The following SGK3 variants were observed in gnomAD, a reference collection of about 807,000 sequenced individuals.
SGK3 encodes the protein serine/threonine-protein kinase Sgk3.
In SGK3, 47 loss-of-function variants were observed where a neutral mutation model predicts 68.5. The ratio of observed to expected loss-of-function variants is 0.69; its 90% CI spans 0.54 to 0.87. The LOEUF is 0.87. SGK3 is among the 40% of genes least tolerant of loss of function. SGK3 has a pLI of 0.00. For synonymous variants in SGK3, 181 were observed against 189.1 expected (o/e 0.96, Z 0.35); for missense variants, 479 against 575.5 (o/e 0.83, Z 1.72).
intron 1 of SGK3, among the ~76,000 whole-genome samples, chr8:66,763,748 C>A (rs990642291): frequency 2.6e-5 from 4 of 151,912 alleles, no homozygotes; most frequent in African/African-American, 7.3e-5. Context: ...TTCAGTACTA[C>A]AGGTTTTTTT....
intron 5 of SGK3, among the ~76,000 whole-genome samples, chr8:66,821,985 A>ATT (rs11398550): frequency 0.051 from 7,268 of 143,336 alleles, 413 homozygotes; most frequent in African/African-American, 0.13. Context: ...CTCTTTCCCT[A>ATT]TTTTTTTTTT....
chr8:66,831,300 A>G lies in SGK3; in HGVS notation c.514A>G (p.Ser172Gly). Residue 172 changes from serine to glycine, a missense_variant, in exon 8 of 17, where the codon AGC becomes GGC. Around this residue, in one of 3 missense-constraint regions of SGK3, gnomAD observed 298 missense variants for 329.4 expected, o/e 0.90. Coordinates refer to ENST00000521198, the MANE Select transcript of SGK3 (RefSeq NM_001033578.3). ...FDFLKVIGKGSFGKVLLAKRK... is the reference protein window; with the variant it reads ...FDFLKVIGKGGFGKVLLAKRK... ...TTTCTTAAAAGTTATTGGAAAAGGC[A>G]GCTTTGGCAAGGTAAGAGTGTTTTG... 6.2e-7 allele frequency: 1 copy of G among 1,613,766 alleles called. No homozygotes were observed. Among genetic ancestry groups the G allele is most frequent in the Non-Finnish European group, 8.5e-7 (1 of 1,179,940 alleles).
chr8:66,802,167 C>CT (rs1377072515), intron 3 of SGK3, among the ~76,000 whole-genome samples: 4 of 151,942 alleles, frequency 2.6e-5, no homozygotes, highest in Non-Finnish European at 5.9e-5. Context: ...ATTCTGCCTC[C>CT]TGTGGTGAGG....
intron 1 of SGK3, among the ~76,000 whole-genome samples, chr8:66,743,890 C>G (rs1187176753): frequency 6.6e-6 from 1 of 152,214 alleles, no homozygotes; most frequent in Non-Finnish European, 1.5e-5. Flanking sequence ...ACAGTCAAAT[C>G]TAGCAGACTG....
At chr8:66,751,717 ATC>A (rs2130433360) in intron 1 of SGK3, among the ~76,000 whole-genome samples, 1 of 151,974 alleles carries the variant, frequency 6.6e-6, no homozygotes, top group East Asian at 1.9e-4. Flanking sequence ...AATAGGAATA[ATC>A]TCTGATTATT....
intron 1 of SGK3, among the ~76,000 whole-genome samples, chr8:66,754,772 T>C (rs113550340): frequency 0.026 from 4,012 of 152,352 alleles, 190 homozygotes; most frequent in African/African-American, 0.089. Flanking sequence ...GATCTGTACT[T>C]GTTTGGCATC....
chr8:66,854,342 G>A lies in SGK3; in HGVS notation c.1320+3422G>A, dbSNP rs1453780312. On this transcript the variant is annotated intron_variant, in intron 16 of 16. Transcript: ENST00000521198. The stretch of plus-strand genomic sequence containing the variant: ...GGCTCACCAACATTTCAAATTAGAG[G>A]TTCCCCCCAAATAATCCTTAAAGTA... 3.3e-5 allele frequency among the ~76,000 whole-genome samples: 5 copies of A among 152,174 alleles called. No individual in the cohort carries two copies. In the East Asian group the frequency reaches 9.6e-4, roughly 29 times the overall value.
At chr8:66,794,930 T>C (rs1807615878) in intron 2 of SGK3, among the ~76,000 whole-genome samples, 1 of 152,176 alleles carries the variant, frequency 6.6e-6, no homozygotes, top group Non-Finnish European at 1.5e-5. Context: ...TAACCTGTGA[T>C]CTCTTTGTTG....
intron 1 of SGK3, among the ~76,000 whole-genome samples, chr8:66,727,516 C>T (rs1183067582): frequency 2.0e-5 from 3 of 152,192 alleles, no homozygotes; most frequent in East Asian, 3.8e-4. Context: ...GTGTTGGAAA[C>T]TTAATCCCCA....
Position 66,843,510 on chromosome 8 carries a change from G to A in SGK3, c.1037G>A (p.Cys346Tyr). 1 of 1,613,934 alleles carries A rather than the reference G, an allele frequency of 6.2e-7. No individual in the cohort carries two copies. The highest frequency in any genetic ancestry group is 8.5e-7 in the Non-Finnish European group (1 of 1,179,972). The change falls in exon 14 of 17, where the codon TGC becomes TAC. Residue 346 changes from cysteine (C) to tyrosine (Y), a missense_variant. Coordinates refer to ENST00000521198, the MANE Select transcript of SGK3 (RefSeq NM_001033578.3). The stretch of plus-strand genomic sequence containing the variant: ...TATGACAATACTGTAGATTGGTGGT[G>A]CCTTGGGGCTGTTCTGTATGAAATG... ...QPYDNTVDWW[C>Y]LGAVLYEMLY...
intron 1 of SGK3, among the ~76,000 whole-genome samples, chr8:66,763,104 C>T (rs770244622): frequency 2.6e-5 from 4 of 152,206 alleles, no homozygotes; most frequent in Non-Finnish European, 5.9e-5. Context: ...TGGAATTCTT[C>T]TGTAACAAGA....
intron 5 of SGK3, among the ~76,000 whole-genome samples, chr8:66,814,249 T>A (rs1414050004): frequency 6.6e-6 from 1 of 152,200 alleles, no homozygotes; most frequent in Non-Finnish European, 1.5e-5. Flanking sequence ...ACCTGCTACT[T>A]GCATTGGGAA....
intron 1 of SGK3, among the ~76,000 whole-genome samples, chr8:66,720,781 T>TTATATATATATATATATATATATA (rs758419858): frequency 3.4e-5 from 5 of 146,324 alleles, no homozygotes; most frequent in African/African-American, 1.3e-4. Flanking sequence ...AAAAAAAAAA[T>TTATATATATATATATATATATATA]TATATATATA....
At chr8:66,819,880 C>T (rs1808740019) in intron 5 of SGK3, among the ~76,000 whole-genome samples, 1 of 151,408 alleles carries the variant, frequency 6.6e-6, no homozygotes, top group Non-Finnish European at 1.5e-5. Flanking sequence ...TGCAATGGCA[C>T]CATCTTGGCT....
intron 1 of SGK3, among the ~76,000 whole-genome samples, chr8:66,740,854 C>T (rs1805456978): frequency 6.7e-6 from 1 of 149,066 alleles, no homozygotes; most frequent in African/African-American, 2.5e-5. Flanking sequence ...ATGCGGTGAG[C>T]CGAGATTGCG....
chr8:66,726,137 A>G (rs1433571493), intron 1 of SGK3, among the ~76,000 whole-genome samples: 2 of 152,142 alleles, frequency 1.3e-5, no homozygotes, highest in African/African-American at 2.4e-5. Flanking sequence ...TATGACCTGT[A>G]TTTTACCTCT....
At chr8:66,812,895 G>A (rs1808435897) in intron 4 of SGK3, among the ~76,000 whole-genome samples, 1 of 152,180 alleles carries the variant, frequency 6.6e-6, no homozygotes, top group Admixed American at 6.5e-5. Context: ...AAAGGTTTGT[G>A]CTTAATATTT....
At chr8:66,718,641 C>G (rs889502164) in intron 1 of SGK3, among the ~76,000 whole-genome samples, 4 of 151,694 alleles carry the variant, frequency 2.6e-5, no homozygotes, top group African/African-American at 9.7e-5. Flanking sequence ...TGATTCTCCT[C>G]CCTCAGCCTC....
intron 1 of SGK3, among the ~76,000 whole-genome samples, chr8:66,719,258 A>G (rs1804731509): frequency 6.6e-6 from 1 of 151,328 alleles, no homozygotes; most frequent in Non-Finnish European, 1.5e-5. Flanking sequence ...TGTACACAAG[A>G]GTTTTTTTTT....
Sources: allele counts gnomAD v4.1 joint callset (sites outside exome capture counted in the v4.1 genomes callset), GRCh38; gene constraint gnomAD v4.1.1; regional missense constraint gnomAD v4.1.1; transcripts MANE v1.5; gene names NCBI Gene and HGNC (gene_info 2026-07-23, HGNC 2026-07-21).